Variants in THSD7A observed in about 807,000 individuals in gnomAD.
The protein encoded by THSD7A is thrombospondin type-1 domain-containing protein 7A.
A neutral mutation model predicts 231.3 loss-of-function variants in THSD7A; 96 were observed. That is an observed-to-expected ratio of 0.41 (90% CI 0.35 to 0.49). The LOEUF (loss-of-function observed/expected upper bound fraction) is 0.49. THSD7A is among the 20% of genes least tolerant of loss of function. The pLI is 0.05. For synonymous variants in THSD7A, 940 were observed against 743.3 expected (o/e 1.26, Z -4.30); for missense variants, 2,290 against 2,070.2 (o/e 1.11, Z -2.06).
At chr7:11,507,169 A>G (rs910759721) in intron 6 of THSD7A, among the ~76,000 whole-genome samples, 12 of 152,216 alleles carry the variant, frequency 7.9e-5, no homozygotes, top group Admixed American at 7.9e-4. Flanking sequence ...CTAAAGAGCA[A>G]TTTAGAAGAG....
At chr7:11,791,785 T>C (rs1783958983) in intron 1 of THSD7A, among the ~76,000 whole-genome samples, 1 of 151,946 alleles carries the variant, frequency 6.6e-6, no homozygotes, top group South Asian at 2.1e-4. Flanking sequence ...CTGCATGAAA[T>C]GAGTGTGTAT....
At chr7:11,525,711 A>G (rs1788443675) in intron 6 of THSD7A, among the ~76,000 whole-genome samples, 1 of 152,162 alleles carries the variant, frequency 6.6e-6, no homozygotes, top group Admixed American at 6.6e-5. Flanking sequence ...CATTTCAGAG[A>G]TGCTACAACA....
intron 6 of THSD7A, among the ~76,000 whole-genome samples, chr7:11,522,076 T>C (rs1203981989): frequency 6.6e-6 from 1 of 152,130 alleles, no homozygotes; most frequent in East Asian, 1.9e-4. Context: ...TTAGGAAAAG[T>C]AGAATTAGGA....
chr7:11,731,017 T>C (rs1391357525), intron 1 of THSD7A, among the ~76,000 whole-genome samples: 2 of 151,630 alleles, frequency 1.3e-5, no homozygotes, highest in East Asian at 3.9e-4. Flanking sequence ...CCTTAAAAAA[T>C]GTTTTTTCTT....
chr7:11,764,510 G>A (rs1456924261), intron 1 of THSD7A, among the ~76,000 whole-genome samples: 1 of 150,716 alleles, frequency 6.6e-6, no homozygotes, highest in Middle Eastern at 3.2e-3. Context: ...GAACCCAGGA[G>A]GCGGAGCCGA....
At chr7:11,554,288 T>C (rs1789751835) in intron 4 of THSD7A, among the ~76,000 whole-genome samples, 1 of 152,046 alleles carries the variant, frequency 6.6e-6, no homozygotes. Context: ...GAAGGCCATG[T>C]GAAGGCATAC....
intron 1 of THSD7A, among the ~76,000 whole-genome samples, chr7:11,709,400 G>A (rs35436991): frequency 0.25 from 38,229 of 150,518 alleles, 4,998 homozygotes; most frequent in Admixed American, 0.3. Flanking sequence ...CTGAGTGTCA[G>A]GGCTGCTATG....
rs544217354 is a variant in THSD7A at position 11,567,292 on chromosome 7, T to C, written c.1453+23168A>G. ...CCCTCAAGGCAGCAGAAAAGACAAG[T>C]GCAGAGTAAAGGGGGAAGAGCCCCT... On this transcript the variant is annotated intron_variant, in intron 4 of 27. Coordinates refer to ENST00000423059, the MANE Select transcript of THSD7A (RefSeq NM_015204.3). Among the ~76,000 whole-genome samples, 52 of 152,018 alleles carry C rather than the reference T, an allele frequency of 3.4e-4. 1 individual carries two copies. The South Asian group carries it at 9.6e-3, about 28-fold the overall frequency.
At position 11,766,962 on chromosome 7, in the gene THSD7A, G is replaced by A. The variant is rs151225876; in HGVS notation, c.190+64795C>T. ...GGTATGGTAATGATGATGTGGCAGA[G>A]TAAGAGAAGGTCTTTGTTTCTAGAA... On this transcript the variant is annotated intron_variant, in intron 1 of 27. Coordinates refer to ENST00000423059, the MANE Select transcript of THSD7A (RefSeq NM_015204.3). 8.3e-3 allele frequency among the ~76,000 whole-genome samples: 1,262 copies of A among 152,304 alleles called. 13 individuals are homozygous for A. Among genetic ancestry groups the A allele is most frequent in the African/African-American group, 0.027 (1,102 of 41,584 alleles).
intron 6 of THSD7A, among the ~76,000 whole-genome samples, chr7:11,512,972 C>T (rs1326720370): frequency 5.9e-5 from 4 of 67,306 alleles, no homozygotes; most frequent in South Asian, 8.3e-4. Context: ...TAAAATACTA[C>T]TCAGCCATAA....
chr7:11,787,587 T>C (rs985382453), intron 1 of THSD7A, among the ~76,000 whole-genome samples: 5 of 151,866 alleles, frequency 3.3e-5, no homozygotes, highest in Non-Finnish European at 7.4e-5. Flanking sequence ...ATATTAGAAA[T>C]AGGCGAAAGA....
chr7:11,828,449 C>A (rs1785092786), intron 1 of THSD7A, among the ~76,000 whole-genome samples: 1 of 152,172 alleles, frequency 6.6e-6, no homozygotes, highest in South Asian at 2.1e-4. Context: ...TGCGACCCTT[C>A]ACACCTCCTT....
intron 4 of THSD7A, among the ~76,000 whole-genome samples, chr7:11,545,007 A>G (rs1265594820): frequency 6.6e-6 from 1 of 152,180 alleles, no homozygotes; most frequent in Admixed American, 6.5e-5. Flanking sequence ...CACACTAATG[A>G]CATAAAATAT....
At chr7:11,647,418 G>C (rs928008491) in intron 1 of THSD7A, among the ~76,000 whole-genome samples, 1 of 151,856 alleles carries the variant, frequency 6.6e-6, no homozygotes, top group Admixed American at 6.6e-5. Context: ...TTACTGGCTT[G>C]GCTCATCCTG....
chr7:11,547,847 G>A (rs1287349113), intron 4 of THSD7A, among the ~76,000 whole-genome samples: 1 of 152,120 alleles, frequency 6.6e-6, no homozygotes, highest in Non-Finnish European at 1.5e-5. Context: ...CAGACTTTCT[G>A]GGACACAGCT....
chr7:11,707,122 A>T (rs1272746288), intron 1 of THSD7A, among the ~76,000 whole-genome samples: 1 of 150,776 alleles, frequency 6.6e-6, no homozygotes, highest in Non-Finnish European at 1.5e-5. Flanking sequence ...AGAAAATGAG[A>T]TATTCCTTTC....
chr7:11,481,649 A>G, intron 7 of THSD7A, 139 bp downstream of exon 7: 1 of 852,516 alleles, frequency 1.2e-6, no homozygotes, highest in Non-Finnish European at 1.7e-6. Context: ...TGCTCAACAC[A>G]TCAACAGATA....
At chr7:11,668,489 AAGAG>A (rs149230098) in intron 1 of THSD7A, among the ~76,000 whole-genome samples, 496 of 39,278 alleles carry the variant, frequency 0.013, 2 homozygotes, top group African/African-American at 0.04. Flanking sequence ...GACAGAAAGA[AAGAG>A]AGAGAGAGAG....
chr7:11,376,674 T>C lies in THSD7A; in HGVS notation c.4802-17A>G. ...GTCTCCCATCTAAGAAGAATGGATA[T>C]TAGTTATTAATTTACATTAGTCTGG... is the stretch of plus-strand genomic sequence containing the variant. On this transcript the variant is annotated splice_polypyrimidine_tract_variant and intron_variant, in intron 26 of 27. Transcript: ENST00000423059. 6.5e-7 allele frequency: 1 copy of C among 1,545,994 alleles called. No homozygotes were observed. The highest frequency in any genetic ancestry group is 8.8e-7 in the Non-Finnish European group (1 of 1,139,400).
Sources: allele counts gnomAD v4.1 joint callset (sites outside exome capture counted in the v4.1 genomes callset), GRCh38; gene constraint gnomAD v4.1.1; transcripts MANE v1.5; gene names NCBI Gene and HGNC (gene_info 2026-07-23, HGNC 2026-07-21).